Variants in DACH2 observed in about 807,000 individuals in gnomAD.
DACH2 encodes the protein dachshund family transcription factor 2.
Under a neutral mutation model 35.8 loss-of-function variants are expected in DACH2, and 17 were observed. The ratio of observed to expected loss-of-function variants is 0.48; its 90% confidence interval spans 0.33 to 0.71. The LOEUF (loss-of-function observed/expected upper bound fraction) is 0.71, where lower values mean the gene tolerates loss of function less well. DACH2 is among the 30% of genes least tolerant of loss of function. The pLI is 0.02. For missense variants in DACH2, 469 were observed against 472.7 expected (o/e 0.99, Z 0.07); for synonymous variants, 195 against 177.3 (o/e 1.10, Z -0.79).
intron 2 of DACH2, among the ~76,000 whole-genome samples, chrX:86,462,173 G>A (rs2037585446): frequency 9.0e-6 from 1 of 111,628 alleles, no homozygotes; most frequent in African/African-American, 3.2e-5. Flanking sequence ...CAGAATAAAA[G>A]AGAAGGATGA....
intron 1 of DACH2, among the ~76,000 whole-genome samples, chrX:86,238,899 G>A (rs781598749): frequency 9.0e-6 from 1 of 111,128 alleles, no homozygotes; most frequent in South Asian, 3.8e-4. Context: ...TCTTAAACAA[G>A]CAAATGTAAA....
intron 2 of DACH2, among the ~76,000 whole-genome samples, chrX:86,438,052 G>A (rs922346300): frequency 9.2e-6 from 1 of 108,432 alleles, no homozygotes; most frequent in African/African-American, 3.4e-5. Flanking sequence ...CCCTCCAACA[G>A]GCTCCAGGGT....
At chrX:86,294,990 C>G (rs1202955865) in intron 1 of DACH2, among the ~76,000 whole-genome samples, 2 of 112,457 alleles carry the variant, frequency 1.8e-5, no homozygotes, top group African/African-American at 6.5e-5. Flanking sequence ...CTAAGCAAGC[C>G]TGGGCAATGG....
chrX:86,683,999 AT>A (rs1285848768), intron 4 of DACH2, among the ~76,000 whole-genome samples: 7 of 110,904 alleles, frequency 6.3e-5, no homozygotes, highest in Middle Eastern at 4.6e-3. Context: ...TTCCCTCTCT[AT>A]TTTGCGTCGG....
chrX:86,661,341 C>T (rs887050327), intron 4 of DACH2, among the ~76,000 whole-genome samples: 71 of 112,308 alleles, frequency 6.3e-4, no homozygotes, highest in Non-Finnish European at 3.8e-4. Flanking sequence ...TCTCTGCATC[C>T]GCAAAGAACC....
intron 3 of DACH2, among the ~76,000 whole-genome samples, chrX:86,604,603 C>T (rs1232132737): frequency 9.0e-6 from 1 of 111,719 alleles, no homozygotes; most frequent in Non-Finnish European, 1.9e-5. Flanking sequence ...TGCTTCCCAT[C>T]TCCCAATGAT....
At chrX:86,818,799 C>T in intron 11 of DACH2, among the ~76,000 whole-genome samples, 1 of 109,909 alleles carries the variant, frequency 9.1e-6, no homozygotes, top group Middle Eastern at 4.8e-3. Flanking sequence ...ATCTATCATT[C>T]ACCTAGTACT....
chrX:86,321,198 G>A (rs5968885), intron 1 of DACH2, among the ~76,000 whole-genome samples: 18,996 of 110,510 alleles, frequency 0.17, 1,783 homozygotes, highest in African/African-American at 0.35. Flanking sequence ...GACCTCCTTG[G>A]TCCCAACCAA....
intron 3 of DACH2, among the ~76,000 whole-genome samples, chrX:86,556,795 T>TATATATATATAGAGAG (rs1232719385): frequency 4.0e-5 from 1 of 25,298 alleles, no homozygotes; most frequent in Admixed American, 7.1e-4. Flanking sequence ...TATATATATA[T>TATATATATATAGAGAG]AGAGAGAGAG....
At chrX:86,279,306 C>T (rs1280778842) in intron 1 of DACH2, among the ~76,000 whole-genome samples, 1 of 112,007 alleles carries the variant, frequency 8.9e-6, no homozygotes, top group African/African-American at 3.2e-5. Flanking sequence ...TGGCTGGCAT[C>T]TGGCAGGTGC....
chrX:86,569,042 T>C (rs1429178667), intron 3 of DACH2, among the ~76,000 whole-genome samples: 1 of 111,581 alleles, frequency 9.0e-6, no homozygotes, highest in African/African-American at 3.3e-5. Flanking sequence ...CATTTGTTTT[T>C]AAGTTGAATG....
intron 1 of DACH2, among the ~76,000 whole-genome samples, chrX:86,224,486 T>C (rs2032780060): frequency 9.0e-6 from 1 of 111,265 alleles, no homozygotes; most frequent in Non-Finnish European, 1.9e-5. Context: ...TGACCCAAAT[T>C]ACTTAGAAAT....
In DACH2 at chrX:86,816,116, A is replaced by G; in HGVS notation, c.1750+17A>G. Reference sequence around the variant, plus strand: ...CTATGCAAGGTACAGTCAACTGAAAACTTCTTTCTTTGACTGCTTAATATG... The same window carrying G: ...CTATGCAAGGTACAGTCAACTGAAAGCTTCTTTCTTTGACTGCTTAATATG... On this transcript the variant is annotated intron_variant, in intron 11 of 11. Transcript: ENST00000373125. 8.8e-7 allele frequency: 1 copy of G among 1,133,540 alleles called. No homozygotes were observed. The highest frequency in any genetic ancestry group is 1.2e-6 in the Non-Finnish European group (1 of 849,195). The allele number at this position is 1,133,540 out of a possible 1,213,427, so 93.4% of individuals were successfully genotyped here. A position where few individuals can be genotyped will look rare whatever the true frequency, so the allele number is the denominator to read the frequency against.
chrX:86,196,405 C>A, intron 1 of DACH2, among the ~76,000 whole-genome samples: 1 of 109,867 alleles, frequency 9.1e-6, no homozygotes, highest in Middle Eastern at 4.7e-3. Context: ...TGAAAAGGAA[C>A]AAGCAGGCTG....
chrX:86,419,792 C>T (rs896539278), intron 2 of DACH2, among the ~76,000 whole-genome samples: 2 of 111,586 alleles, frequency 1.8e-5, no homozygotes, highest in African/African-American at 6.5e-5. Context: ...TGTCCTGATC[C>T]TTGAATTGAG....
At chrX:86,639,453 C>G (rs1440378293) in intron 3 of DACH2, among the ~76,000 whole-genome samples, 2 of 111,390 alleles carry the variant, frequency 1.8e-5, no homozygotes, top group Non-Finnish European at 3.8e-5. Context: ...GACCCTGGAG[C>G]CTTAAATACT....
intron 7 of DACH2, among the ~76,000 whole-genome samples, chrX:86,809,886 G>T (rs777570856): frequency 9.0e-6 from 1 of 110,896 alleles, no homozygotes; most frequent in Non-Finnish European, 1.9e-5. Flanking sequence ...GCTTAGATCC[G>T]TGTGCTGTCT....
intron 1 of DACH2, among the ~76,000 whole-genome samples, chrX:86,156,052 A>G (rs1486157143): frequency 9.0e-6 from 1 of 111,316 alleles, no homozygotes; most frequent in Non-Finnish European, 1.9e-5. Context: ...CTTCAACACT[A>G]AATTTGTATG....
intron 1 of DACH2, among the ~76,000 whole-genome samples, chrX:86,321,064 ACTTC>A (rs1295655545): frequency 9.0e-6 from 1 of 111,479 alleles, no homozygotes; most frequent in East Asian, 2.8e-4. Flanking sequence ...CTGGTACTCT[ACTTC>A]CTTCTAATAA....
Sources: allele counts gnomAD v4.1 joint callset (sites outside exome capture counted in the v4.1 genomes callset), GRCh38; gene constraint gnomAD v4.1.1; transcripts MANE v1.5; gene names NCBI Gene and HGNC (gene_info 2026-07-23, HGNC 2026-07-21).